Variants in PTPRD observed in about 807,000 individuals in gnomAD.
PTPRD encodes receptor-type tyrosine-protein phosphatase delta.
PTPRD carries 34 observed loss-of-function variants against 214.5 expected under a neutral mutation model. That is an observed-to-expected ratio of 0.16 (90% CI 0.12 to 0.21). The LOEUF is 0.21. PTPRD is among the 10% of genes least tolerant of loss of function. The probability of loss-of-function intolerance (pLI) is 1.00; values close to 1 mark genes in which losing one functional copy is unlikely to be tolerated. For synonymous variants in PTPRD, 1,128 were observed against 845.7 expected (o/e 1.33, Z -5.79); for missense variants, 2,545 against 2,398.7 (o/e 1.06, Z -1.27).
intron 3 of PTPRD, among the ~76,000 whole-genome samples, chr9:10,171,148 T>C (rs986471111): frequency 6.6e-6 from 1 of 152,196 alleles, no homozygotes; most frequent in Non-Finnish European, 1.5e-5. Flanking sequence ...TAGAGAGTTA[T>C]ATCTATACCT....
At chr9:10,280,592 G>C (rs1008654829) in intron 3 of PTPRD, among the ~76,000 whole-genome samples, 1 of 152,032 alleles carries the variant, frequency 6.6e-6, no homozygotes, top group African/African-American at 2.4e-5. Context: ...AGTAAGTCTA[G>C]GATAAAACCT....
chr9:8,832,914 A>C (rs1202100170), intron 11 of PTPRD, among the ~76,000 whole-genome samples: 4 of 152,034 alleles, frequency 2.6e-5, no homozygotes, highest in Non-Finnish European at 5.9e-5. Context: ...GCAACCTTTC[A>C]CTTCATGTTA....
chr9:8,618,055 G>C (rs1313942082), intron 14 of PTPRD, among the ~76,000 whole-genome samples: 5 of 151,920 alleles, frequency 3.3e-5, no homozygotes, highest in Non-Finnish European at 5.9e-5. Flanking sequence ...TTGCCCAACT[G>C]AGTAGAACTG....
chr9:10,382,025 T>G (rs952444143), intron 2 of PTPRD, among the ~76,000 whole-genome samples: 3 of 151,958 alleles, frequency 2.0e-5, no homozygotes, highest in African/African-American at 7.2e-5. Flanking sequence ...TGAACCTTTC[T>G]TACATCTTAC....
intron 8 of PTPRD, among the ~76,000 whole-genome samples, chr9:9,450,231 T>C (rs2091764237): frequency 6.6e-6 from 1 of 151,952 alleles, no homozygotes; most frequent in African/African-American, 2.4e-5. Context: ...TAAACCTGCA[T>C]GTGCAAATAT....
chr9:10,408,549 A>C (rs76801957), intron 2 of PTPRD, among the ~76,000 whole-genome samples: 1,823 of 151,762 alleles, frequency 0.012, 19 homozygotes, highest in Non-Finnish European at 0.017. Flanking sequence ...TTTGTATTTT[A>C]TCACCCCTGC....
rs138657912 is a variant in PTPRD at position 10,368,122 on chromosome 9, T to C, written c.-599-27105A>G. On this transcript the variant is annotated intron_variant, in intron 2 of 45. Transcript: ENST00000381196. ...AGCAGAGACAGCCTTAGGGGCTATA[T>C]GTGCTGCCTTTGACACATATTGGTA... 7.7e-3 allele frequency among the ~76,000 whole-genome samples: 1,166 copies of C among 152,246 alleles called. 15 individuals carry two copies. The highest frequency in any genetic ancestry group is 0.027 in the African/African-American group (1,120 of 41,570).
chr9:9,533,102 T>G (rs946952655), intron 8 of PTPRD, among the ~76,000 whole-genome samples: 1 of 152,150 alleles, frequency 6.6e-6, no homozygotes, highest in African/African-American at 2.4e-5. Context: ...ATTTTGCATA[T>G]AGATAGCAGT....
chr9:9,866,748 C>T (rs1432890596), intron 5 of PTPRD, among the ~76,000 whole-genome samples: 1 of 151,934 alleles, frequency 6.6e-6, no homozygotes, highest in African/African-American at 2.4e-5. Flanking sequence ...TATTTTATGA[C>T]TGTATTTATA....
chr9:9,500,158 A>C (rs1000929638), intron 8 of PTPRD, among the ~76,000 whole-genome samples: 4 of 152,088 alleles, frequency 2.6e-5, no homozygotes, highest in South Asian at 2.1e-4. Context: ...CTTTTCATTC[A>C]GGAGCTATTT....
chr9:8,863,170 T>G (rs1477486992), intron 11 of PTPRD, among the ~76,000 whole-genome samples: 2 of 152,234 alleles, frequency 1.3e-5, no homozygotes, highest in Non-Finnish European at 2.9e-5. Flanking sequence ...CACCCTCACC[T>G]GCAGTGTGTA....
intron 10 of PTPRD, among the ~76,000 whole-genome samples, chr9:9,021,041 C>G (rs2099568064): frequency 6.6e-6 from 1 of 152,082 alleles, no homozygotes; most frequent in African/African-American, 2.4e-5. Flanking sequence ...AGCAATTAAC[C>G]TAATGTGCTG....
At chr9:9,518,667 T>C (rs1263158417) in intron 8 of PTPRD, among the ~76,000 whole-genome samples, 2 of 151,978 alleles carry the variant, frequency 1.3e-5, no homozygotes, top group Non-Finnish European at 2.9e-5. Context: ...AAGACATAGT[T>C]CTCCACTTTA....
chr9:8,968,023 C>A (rs1300870304), intron 11 of PTPRD, among the ~76,000 whole-genome samples: 1 of 151,682 alleles, frequency 6.6e-6, no homozygotes, highest in Non-Finnish European at 1.5e-5. Flanking sequence ...TTTTTCCCTG[C>A]GATAGTTTGC....
rs895338161 is a variant in PTPRD at position 8,726,204 on chromosome 9, G to A, written c.64+7576C>T. Among the ~76,000 whole-genome samples the A allele has an allele frequency of 3.3e-5, 5 of 152,052 alleles. No individual in the cohort carries two copies. The East Asian group carries it at 9.7e-4, about 29-fold the overall frequency. On this transcript the variant is annotated intron_variant, in intron 12 of 45. Coordinates refer to ENST00000381196, the MANE Select transcript of PTPRD (RefSeq NM_002839.4). ...CTCTTTAATTCTTCACTTCATGATA[G>A]AGGCTGGCTTGGAGTTTCTGAATTA...
intron 14 of PTPRD, among the ~76,000 whole-genome samples, chr9:8,591,657 C>G (rs1350661994): frequency 1.3e-5 from 2 of 152,140 alleles, no homozygotes; most frequent in African/African-American, 4.8e-5. Flanking sequence ...TTCAGAAGGA[C>G]ACGTCTAGTT....
chr9:9,593,402 T>G (rs764530128), intron 7 of PTPRD, among the ~76,000 whole-genome samples: 12 of 151,984 alleles, frequency 7.9e-5, no homozygotes, highest in Non-Finnish European at 1.5e-4. Flanking sequence ...CTCCAAGGCT[T>G]GAGTATTGAG....
rs1368019237 is a variant in PTPRD at position 8,316,947 on chromosome 9, CAT to C, written c.*925_*926del. ...TGTGTGGACACACTGTCTATATATA[CAT>C]AGACACCCTTATAAAATATGGATAT... On this transcript the variant is annotated 3_prime_UTR_variant, in exon 46 of 46. Coordinates refer to ENST00000381196, the MANE Select transcript of PTPRD (RefSeq NM_002839.4). The C allele has an allele frequency of 1.3e-5, 3 of 231,302 alleles. No homozygotes were observed. The highest frequency in any genetic ancestry group is 2.2e-5 in the African/African-American group (1 of 45,144). 14.3% of individuals were successfully genotyped at this position (231,302 alleles called of 1,614,324 possible).
chr9:9,605,996 T>G (rs2094128846), intron 7 of PTPRD, among the ~76,000 whole-genome samples: 3 of 151,996 alleles, frequency 2.0e-5, no homozygotes, highest in Admixed American at 2.0e-4. Flanking sequence ...AATCTGTTAT[T>G]ATATTAACAT....
Sources: gnomAD v4.1 joint callset for allele counts (sites outside exome capture counted in the v4.1 genomes callset) on GRCh38, gnomAD v4.1.1 for gene constraint, MANE v1.5 for transcripts, NCBI Gene and HGNC (gene_info 2026-07-23, HGNC 2026-07-21) for gene names.